The following MIB1 variants were observed in gnomAD, a reference collection of about 807,000 sequenced individuals.
The protein encoded by MIB1 is MIB E3 ubiquitin protein ligase 1, also known as E3 ubiquitin-protein ligase MIB1.
In MIB1, 278 loss-of-function variants were observed where a neutral mutation model predicts 124.5. The ratio of observed to expected loss-of-function variants is 2.23; its 90% CI spans 2.02 to 2.47. MIB1 has a LOEUF of 2.47. Ranked by LOEUF, MIB1 falls within the 30% of genes most tolerant of loss-of-function variation. The probability of loss-of-function intolerance (pLI) is 0.00; values close to 1 mark genes in which losing one functional copy is unlikely to be tolerated. For missense variants in MIB1, 957 were observed against 1,254.4 expected (o/e 0.76, Z 3.58); for synonymous variants, 446 against 429.4 (o/e 1.04, Z -0.48).
chr18:21,840,652 TATATATATATA>T (rs1461721738), intron 13 of MIB1, among the ~76,000 whole-genome samples: 40 of 2,486 alleles, frequency 0.016, 1 homozygote, highest in African/African-American at 0.027. Context: ...TATATATATA[TATATATATATA>T]TATTTTTTTT....
chr18:21,831,246 T>G (rs2041978504), intron 12 of MIB1: 1 of 145,352 alleles, frequency 6.9e-6, no homozygotes, highest in Non-Finnish European at 1.5e-5. Context: ...GCATCTTTCT[T>G]GCTTTTAGAT....
At chr18:21,762,212 G>A (rs1002257293) in intron 1 of MIB1, among the ~76,000 whole-genome samples, 1 of 152,126 alleles carries the variant, frequency 6.6e-6, no homozygotes, top group African/African-American at 2.4e-5. Flanking sequence ...TCTATAGAAG[G>A]CACTTACAGA....
At chr18:21,784,750 C>T (rs976199998) in intron 6 of MIB1, among the ~76,000 whole-genome samples, 1 of 152,110 alleles carries the variant, frequency 6.6e-6, no homozygotes, top group Non-Finnish European at 1.5e-5. Flanking sequence ...CTAGAGGGCT[C>T]GTTGGTCTAG....
At chr18:21,822,870 CAGG>C (rs1489953463) in intron 12 of MIB1, among the ~76,000 whole-genome samples, 7 of 152,074 alleles carry the variant, frequency 4.6e-5, no homozygotes, top group African/African-American at 1.7e-4. Context: ...GAGGCTGAGG[CAGG>C]AGGATTGCTT....
intron 1 of MIB1, among the ~76,000 whole-genome samples, chr18:21,732,391 C>G (rs2040775894): frequency 6.8e-6 from 1 of 146,378 alleles, no homozygotes; most frequent in African/African-American, 2.6e-5. Context: ...CACACACACA[C>G]ACAGAGCAAG....
At chr18:21,859,087 T>C (rs771829756) in intron 20 of MIB1, among the ~76,000 whole-genome samples, 31 of 152,182 alleles carry the variant, frequency 2.0e-4, no homozygotes, top group Non-Finnish European at 3.8e-4. Context: ...GAATATAAAC[T>C]TGGAAAAAAC....
chr18:21,797,175 T>C (rs1464499910), intron 7 of MIB1, among the ~76,000 whole-genome samples: 1 of 152,136 alleles, frequency 6.6e-6, no homozygotes, highest in African/African-American at 2.4e-5. Context: ...AAAAGAGTTC[T>C]TATTGTTTGG....
Position 21,741,482 on chromosome 18 carries a change from C to T in MIB1, c.-102C>T, listed in dbSNP as rs2040849776. ...CCCCCGGGGCTCGCTGCCGCCCCCG[C>T]CGACGCCTAGAGTCCGGCCCGGGCC... is the stretch of plus-strand genomic sequence containing the variant. On this transcript the variant is annotated 5_prime_UTR_variant, in exon 1 of 21. Coordinates refer to ENST00000261537, the MANE Select transcript of MIB1 (RefSeq NM_020774.4). This position sits in a 1 kb window ranked among gnomAD's most constrained non-coding sequence, Gnocchi z 5.4. 2 of 741,128 alleles carry T rather than the reference C, an allele frequency of 2.7e-6. No homozygotes were observed. Among genetic ancestry groups the T allele is most frequent in the Admixed American group, 4.7e-5 (1 of 21,056 alleles). 45.9% of individuals were successfully genotyped at this position (741,128 alleles called of 1,614,324 possible).
rs192420108 is a variant in MIB1 at position 21,828,077 on chromosome 18, A to G, written c.1829+8431A>G. The G allele has an allele frequency of 2.0e-5, 3 of 152,100 alleles. No homozygotes were observed. The East Asian group carries it at 5.8e-4, about 29-fold the overall frequency. The allele number at this position is 152,100 out of a possible 1,614,324, so 9.4% of individuals were successfully genotyped here. A position where few individuals can be genotyped will look rare whatever the true frequency, so the allele number is the denominator to read the frequency against. On this transcript the variant is annotated intron_variant, in intron 12 of 20. Coordinates refer to ENST00000261537, the MANE Select transcript of MIB1 (RefSeq NM_020774.4). ...TATACAAACTGTGTGAAATAAAAGT[A>G]TTTTGATATTTCTAAACAATGGATT...
chr18:21,762,253 C>A (rs1162222630), intron 1 of MIB1, among the ~76,000 whole-genome samples: 1 of 152,076 alleles, frequency 6.6e-6, no homozygotes, highest in Non-Finnish European at 1.5e-5. Flanking sequence ...AACTTTGACC[C>A]TGCCTTCAAT....
intron 4 of MIB1, among the ~76,000 whole-genome samples, chr18:21,774,795 A>C (rs1211854747): frequency 2.0e-5 from 3 of 150,880 alleles, no homozygotes; most frequent in Non-Finnish European, 4.4e-5. Flanking sequence ...ATTTCCATTT[A>C]TTTATTTATT....
At chr18:21,743,684 T>C (rs2040881515) in intron 1 of MIB1, among the ~76,000 whole-genome samples, 1 of 152,236 alleles carries the variant, frequency 6.6e-6, no homozygotes, top group South Asian at 2.1e-4. Flanking sequence ...CCTTGAAGTT[T>C]TGTTGTCGTG....
At position 21,819,629 on chromosome 18, in the gene MIB1, A is replaced by G. The variant is rs1256166198; in HGVS notation, c.1812A>G (p.Ala604=). ...GATTTAATGCTCTGCATCATGCTGC[A>G]CTAAGGGGAAATCCCAGGTATGTCA... is the stretch of plus-strand genomic sequence containing the variant. ...NNGFNALHHA[A]LRGNPSAMRV... The change falls in exon 12 of 21, where the codon GCA becomes GCG. Residue 604 remains alanine (A), a synonymous_variant. Coordinates refer to ENST00000261537, the MANE Select transcript of MIB1 (RefSeq NM_020774.4). 7.7e-6 allele frequency: 12 copies of G among 1,564,644 alleles called. No individual in the cohort carries two copies. The highest frequency in any genetic ancestry group is 1.4e-5 in the African/African-American group (1 of 73,604).
At chr18:21,848,901 T>A (rs939754901) in intron 16 of MIB1, among the ~76,000 whole-genome samples, 4 of 152,172 alleles carry the variant, frequency 2.6e-5, no homozygotes, top group Admixed American at 2.6e-4. Flanking sequence ...AAATTTTGTT[T>A]ATGCTAAGTT....
chr18:21,768,673 T>C lies in MIB1; in HGVS notation c.452T>C (p.Ile151Thr), dbSNP rs1445171784. 2.5e-6 allele frequency: 4 copies of C among 1,604,696 alleles called. No homozygotes were observed. The highest frequency in any genetic ancestry group is 2.7e-5 in the African/African-American group (2 of 74,802). The change falls in exon 3 of 21, where the codon ATC (isoleucine) becomes ACC (threonine). Residue 151 changes from isoleucine (I) to threonine (T), a missense_variant. By Grantham distance (89) the Ile-to-Thr change is moderately conservative. Transcript: ENST00000261537. ...RKSKKITARGIFAGARVVRGV... is the reference protein window; with the variant it reads ...RKSKKITARGTFAGARVVRGV... ...TCTAAGAAGATTACAGCCAGAGGAA[T>C]CTTTGCAGGTGCCAGAGTGGTGCGA...
chr18:21,825,386 G>A, intron 12 of MIB1: 1 of 279,306 alleles, frequency 3.6e-6, no homozygotes, highest in Non-Finnish European at 7.0e-6. Context: ...TCCTTTGAAG[G>A]AAGTTTTTGT....
At chr18:21,846,765 C>T (rs2042137888) in intron 15 of MIB1, among the ~76,000 whole-genome samples, 179 bp from the exon 16 acceptor site, 1 of 152,144 alleles carries the variant, frequency 6.6e-6, no homozygotes, top group Non-Finnish European at 1.5e-5. Context: ...AGGTCCACCT[C>T]TACAACTGGA....
chr18:21,843,257 T>C, intron 14 of MIB1, 40 bp downstream of exon 14: 1 of 1,403,830 alleles, frequency 7.1e-7, no homozygotes, highest in Non-Finnish European at 9.7e-7. Flanking sequence ...AATTACATTT[T>C]AACCATACAG....
chr18:21,815,644 A>AT lies in MIB1; in HGVS notation c.1509dup (p.Ala504CysfsTer6), dbSNP rs2041822842. 1 of 1,614,064 alleles carries AT rather than the reference A, an allele frequency of 6.2e-7. No individual in the cohort carries two copies. Among genetic ancestry groups the AT allele is most frequent in the Admixed American group, 1.7e-5 (1 of 60,004 alleles). On this transcript the variant is annotated frameshift_variant, in exon 11 of 21. Coordinates refer to ENST00000261537, the MANE Select transcript of MIB1 (RefSeq NM_020774.4). LOFTEE classifies it high-confidence loss of function. ...AAAGATGGTGATAGAGCAGTTCACC[A>AT]TGCAGCTTTTGGAGATGAAGGCGCT...
Sources: allele counts gnomAD v4.1 joint callset (sites outside exome capture counted in the v4.1 genomes callset), GRCh38; gene constraint gnomAD v4.1.1; non-coding constraint Gnocchi (gnomAD v3.1); transcripts MANE v1.5; gene names NCBI Gene and HGNC (gene_info 2026-07-23, HGNC 2026-07-21).